SIPA1L2: variants seen among roughly 807,000 people sequenced by gnomAD.
The protein encoded by SIPA1L2 is signal induced proliferation associated 1 like 2, also known as signal-induced proliferation-associated 1-like protein 2.
In SIPA1L2, 56 loss-of-function variants were observed where a neutral mutation model predicts 163.9. The observed-to-expected ratio is 0.34, with a 90% CI of 0.28 to 0.43. The LOEUF is 0.43. Ranked by LOEUF, SIPA1L2 falls within the 20% of genes least tolerant of loss-of-function variation. The probability of loss-of-function intolerance (pLI) is 1.00; values close to 1 mark genes in which losing one functional copy is unlikely to be tolerated. For missense variants in SIPA1L2, 1,974 were observed against 2,193.5 expected (o/e 0.90, Z 2.00); for synonymous variants, 877 against 865.7 (o/e 1.01, Z -0.23).
chr1:232,490,778 A>G (rs944667498), intron 5 of SIPA1L2, 96 bp downstream of exon 5: 1 of 1,271,992 alleles, frequency 7.9e-7, no homozygotes, highest in Admixed American at 2.3e-5. Context: ...CATTTAAAAT[A>G]AATGATCTTA....
intron 3 of SIPA1L2, among the ~76,000 whole-genome samples, chr1:232,508,212 CCTGAGTCACCACG>C: frequency 6.6e-6 from 1 of 152,282 alleles, no homozygotes; most frequent in East Asian, 1.9e-4. Context: ...TCACTTCACT[CCTGAGTCACCACG>C]GAGGCCCAGC....
At chr1:232,409,358 T>C (rs990613524) in intron 19 of SIPA1L2, among the ~76,000 whole-genome samples, 1 of 152,158 alleles carries the variant, frequency 6.6e-6, no homozygotes, top group Non-Finnish European at 1.5e-5. Context: ...TCAAAGAACA[T>C]GTTAATTCAA....
At chr1:232,486,720 A>C (rs756184261) in intron 5 of SIPA1L2, among the ~76,000 whole-genome samples, 12 of 152,214 alleles carry the variant, frequency 7.9e-5, no homozygotes, top group Non-Finnish European at 1.3e-4. Context: ...ACAAGAATGA[A>C]ATGAATAATG....
intron 2 of SIPA1L2, among the ~76,000 whole-genome samples, chr1:232,516,896 C>T (rs569343229): frequency 3.3e-5 from 5 of 152,038 alleles, no homozygotes; most frequent in Non-Finnish European, 5.9e-5. Context: ...ATTCTTCTGC[C>T]AATGAGTAAT....
At chr1:232,608,047 C>CAAAAA (rs56208215) in intron 1 of SIPA1L2, among the ~76,000 whole-genome samples, 7 of 67,496 alleles carry the variant, frequency 1.0e-4, no homozygotes, top group African/African-American at 1.4e-4. Context: ...AACTCCATCT[C>CAAAAA]AAAAAAAAAA....
intron 1 of SIPA1L2, among the ~76,000 whole-genome samples, chr1:232,601,891 T>C (rs1291167893): frequency 2.0e-5 from 3 of 152,210 alleles, no homozygotes; most frequent in Non-Finnish European, 4.4e-5. Context: ...AATTCCTACT[T>C]GCTATTAACA....
At chr1:232,493,421 C>T in intron 4 of SIPA1L2, 106 bp downstream of exon 4, 2 of 1,361,634 alleles carry the variant, frequency 1.5e-6, no homozygotes, top group Non-Finnish European at 2.0e-6. Flanking sequence ...CAATCATTAA[C>T]ATTAAAAAAA....
At chr1:232,511,881 C>G (rs1666995255) in intron 3 of SIPA1L2, among the ~76,000 whole-genome samples, 1 of 152,130 alleles carries the variant, frequency 6.6e-6, no homozygotes. Flanking sequence ...CAAATGGGAT[C>G]TAATTAAACT....
chr1:232,506,409 C>A lies in SIPA1L2; in HGVS notation c.1483+7448G>T, dbSNP rs896846298. ...GCCCCAAATTGAGTTGGGATGTGAACCTCAGTGTGCACTCTGCCTTAAGTG... is the reference window on the plus strand; with the variant it reads ...GCCCCAAATTGAGTTGGGATGTGAAACTCAGTGTGCACTCTGCCTTAAGTG... On this transcript the variant is annotated intron_variant, in intron 3 of 22. Coordinates refer to ENST00000674635, the MANE Select transcript of SIPA1L2 (RefSeq NM_020808.5). Among the ~76,000 whole-genome samples, 5 of 152,120 alleles carry A rather than the reference C, an allele frequency of 3.3e-5. 1 individual carries two copies. Among genetic ancestry groups the A allele is most frequent in the Non-Finnish European group, 5.9e-5 (4 of 68,032 alleles).
chr1:232,431,985 A>G (rs967211263), intron 16 of SIPA1L2, among the ~76,000 whole-genome samples: 1 of 152,260 alleles, frequency 6.6e-6, no homozygotes, highest in Non-Finnish European at 1.5e-5. Flanking sequence ...CACCATCAGC[A>G]GCATGTTACC....
Position 232,513,930 on chromosome 1 carries a change from C to T in SIPA1L2, c.1410G>A (p.Glu470=). 6.2e-7 allele frequency: 1 copy of T among 1,613,982 alleles called. No homozygotes were observed. Among genetic ancestry groups the T allele is most frequent in the Non-Finnish European group, 8.5e-7 (1 of 1,179,930 alleles). ...GTTCTATGATGTAGCGCTTCACTTT[C>T]TCCCTGTGAATAGGCTGGTTTTCTC... ...VPRENQPIHR[E]KVKRYIIEHI... Residue 470 remains glutamate, a synonymous_variant, in exon 3 of 23, where the codon GAG becomes GAA. Transcript: ENST00000674635.
rs16857498 is a variant in SIPA1L2 at position 232,513,717 on chromosome 1, G to C, written c.1483+140C>G. On this transcript the variant is annotated intron_variant, in intron 3 of 22. Transcript: ENST00000674635. ...AGCCTGGAAGCTATGGAGGGACCAT[G>C]ATGGAGAACAAGGTCAGGCCCAGTG... The C allele has an allele frequency of 8.2e-3, 6,921 of 847,534 alleles. 314 individuals carry two copies. The African/African-American group carries it at 0.1, about 12-fold the overall frequency. 52.5% of individuals were successfully genotyped at this position (847,534 alleles called of 1,614,324 possible).
At chr1:232,455,687 C>T (rs1434773264) in intron 10 of SIPA1L2, among the ~76,000 whole-genome samples, 1 of 136,814 alleles carries the variant, frequency 7.3e-6, no homozygotes, top group African/African-American at 2.8e-5. Context: ...TGCACTCCAG[C>T]CTGGGCAACA....
chr1:232,534,437 T>C lies in SIPA1L2; in HGVS notation c.-269-18829A>G, dbSNP rs182685421. Among the ~76,000 whole-genome samples the C allele has an allele frequency of 9.3e-4, 141 of 152,278 alleles. 1 individual carries two copies. Among genetic ancestry groups the C allele is most frequent in the South Asian group, 2.7e-3 (13 of 4,828 alleles). On this transcript the variant is annotated intron_variant, in intron 2 of 22. Coordinates refer to ENST00000674635, the MANE Select transcript of SIPA1L2 (RefSeq NM_020808.5). ...ATAATTACTAAAACTATAAAACTCA[T>C]AGAAGAAAACACTGGAAGAACGCTT...
intron 2 of SIPA1L2, among the ~76,000 whole-genome samples, chr1:232,535,012 TG>T (rs1354611072): frequency 7.2e-5 from 11 of 152,228 alleles, no homozygotes; most frequent in African/African-American, 2.2e-4. Context: ...TACTCATAAA[TG>T]TAATACGCTA....
At chr1:232,463,772 C>A (rs1305499620) in intron 9 of SIPA1L2, among the ~76,000 whole-genome samples, 1 of 152,196 alleles carries the variant, frequency 6.6e-6, no homozygotes, top group Non-Finnish European at 1.5e-5. Flanking sequence ...ATAAACTAAT[C>A]ATTTACTTAA....
chr1:232,602,888 A>AT (rs1661679097), intron 1 of SIPA1L2, among the ~76,000 whole-genome samples: 2 of 152,204 alleles, frequency 1.3e-5, no homozygotes, highest in Non-Finnish European at 1.5e-5. Context: ...TTTTATTTTT[A>AT]TTTAATTTTA....
chr1:232,519,628 A>G (rs1344527389), intron 2 of SIPA1L2, among the ~76,000 whole-genome samples: 2 of 152,246 alleles, frequency 1.3e-5, no homozygotes, highest in Non-Finnish European at 2.9e-5. Context: ...ATTCTAACAG[A>G]TTGTAAAAAA....
intron 1 of SIPA1L2, among the ~76,000 whole-genome samples, chr1:232,589,684 C>T (rs1660865513): frequency 6.6e-6 from 1 of 152,188 alleles, no homozygotes; most frequent in South Asian, 2.1e-4. Flanking sequence ...GGATTCCACA[C>T]TTGGATGCTT....
Sources: allele counts gnomAD v4.1 joint callset (sites outside exome capture counted in the v4.1 genomes callset), GRCh38; gene constraint gnomAD v4.1.1; transcripts MANE v1.5; gene names NCBI Gene and HGNC (gene_info 2026-07-23, HGNC 2026-07-21).